Variants in PIK3CD observed in about 807,000 individuals in gnomAD.
PIK3CD encodes the protein phosphatidylinositol-4,5-bisphosphate 3-kinase catalytic subunit delta.
A neutral mutation model predicts 122.9 loss-of-function variants in PIK3CD; 20 were observed. That is an observed-to-expected ratio of 0.16 (90% CI 0.11 to 0.24). The LOEUF is 0.24. Among genes scored for constraint, PIK3CD ranks in the 10% least tolerant of loss-of-function variants. The pLI, the probability that PIK3CD is intolerant of heterozygous loss-of-function variation, is 1.00. For synonymous variants in PIK3CD, 596 were observed against 593.4 expected, an observed-to-expected ratio of 1.00 and a Z score of -0.06; for missense variants, 787 against 1,406.3, an observed-to-expected ratio of 0.56 and a Z score of 7.04.
chr1:9,710,656 C>CAGATAG lies in PIK3CD; in HGVS notation c.141+61_141+62insGATAGA. Reference sequence around the variant, plus strand: ...TCAGAGAGAGAGAGAGAGAGAGAGACACAGATAGACAGACAGACAGACAGA... The same window carrying CAGATAG: ...TCAGAGAGAGAGAGAGAGAGAGAGACAGATAGACAGATAGACAGACAGACAGACAGA... On this transcript the variant is annotated intron_variant, in intron 3 of 23. Coordinates refer to ENST00000377346, the MANE Select transcript of PIK3CD (RefSeq NM_005026.5). The surrounding 1 kb of genome is among the most constrained non-coding windows in gnomAD (Gnocchi z 4.7). 1 of 1,335,484 alleles carries CAGATAG rather than the reference C, an allele frequency of 7.5e-7. No homozygotes were observed. Among genetic ancestry groups the CAGATAG allele is most frequent in the Non-Finnish European group, 1.1e-6 (1 of 943,660 alleles). The allele number at this position is 1,335,484 out of a possible 1,614,324, so 82.7% of individuals were successfully genotyped here. A position where few individuals can be genotyped will look rare whatever the true frequency, so the allele number is the denominator to read the frequency against.
At chr1:9,688,952 C>G (rs888624118) in intron 1 of PIK3CD, among the ~76,000 whole-genome samples, 1 of 152,130 alleles carries the variant, frequency 6.6e-6, no homozygotes, top group African/African-American at 2.4e-5. Context: ...GTGCTAGGTA[C>G]ACTCATTTAT....
chr1:9,628,677 G>T, the PIK3CD span, among the ~76,000 whole-genome samples: 2 of 152,166 alleles, frequency 1.3e-5, no homozygotes, highest in African/African-American at 2.4e-5. Context: ...GCCCAGAGTT[G>T]GTGGCCCTGG....
At chr1:9,709,664 ACTG>A in intron 2 of PIK3CD, among the ~76,000 whole-genome samples, 1 of 152,052 alleles carries the variant, frequency 6.6e-6, no homozygotes, top group Non-Finnish European at 1.5e-5. Context: ...TGATGGCACC[ACTG>A]TACTCCAGCT....
At chr1:9,713,787 T>A (rs553797010) in intron 3 of PIK3CD, among the ~76,000 whole-genome samples, 1 of 151,354 alleles carries the variant, frequency 6.6e-6, no homozygotes, top group East Asian at 1.9e-4. Flanking sequence ...TATTATTATT[T>A]TTGTAACGGT....
At chr1:9,706,822 T>C (rs1027226872) in intron 2 of PIK3CD, among the ~76,000 whole-genome samples, 2 of 151,412 alleles carry the variant, frequency 1.3e-5, no homozygotes, top group Non-Finnish European at 2.9e-5. Context: ...TTTACTTTTT[T>C]CTTTTTTTTT....
intron 1 of PIK3CD, among the ~76,000 whole-genome samples, chr1:9,680,227 C>T (rs766354213): frequency 6.8e-6 from 1 of 147,592 alleles, no homozygotes; most frequent in African/African-American, 2.7e-5. Flanking sequence ...CCTCCCACCT[C>T]GGCCTCCCAA....
intron 1 of PIK3CD, chr1:9,660,938 C>CTTT (rs1162048316): frequency 7.0e-6 from 1 of 142,616 alleles, no homozygotes; most frequent in Non-Finnish European, 1.5e-5. Flanking sequence ...TTTTTTCTTT[C>CTTT]TTTTTTTTTT....
chr1:9,654,543 T>C (rs1031152417), intron 1 of PIK3CD: 2 of 596,234 alleles, frequency 3.4e-6, no homozygotes, highest in Non-Finnish European at 5.4e-6. Context: ...GGAGTGGGGA[T>C]GGTGAGAGTC....
intron 2 of PIK3CD, among the ~76,000 whole-genome samples, chr1:9,692,449 G>A (rs894853818): frequency 2.6e-5 from 4 of 152,098 alleles, no homozygotes; most frequent in African/African-American, 9.7e-5. Flanking sequence ...AATATAGGCC[G>A]GGTGCCGTGG....
chr1:9,645,386 T>A, the PIK3CD span, among the ~76,000 whole-genome samples: 1 of 152,052 alleles, frequency 6.6e-6, no homozygotes, highest in Non-Finnish European at 1.5e-5. Flanking sequence ...GATAAGTCCC[T>A]AGGGTCACGG....
chr1:9,672,680 C>G (rs539881394), intron 1 of PIK3CD: 33 of 152,280 alleles, frequency 2.2e-4, no homozygotes, highest in African/African-American at 7.7e-4. Flanking sequence ...CCCACTTCGG[C>G]CTCCCAAAGT....
At chr1:9,703,453 A>C (rs914226538) in intron 2 of PIK3CD, among the ~76,000 whole-genome samples, 3 of 152,072 alleles carry the variant, frequency 2.0e-5, no homozygotes, top group Admixed American at 6.5e-5. Flanking sequence ...TTAAAAAAAA[A>C]ACCAACAAAA....
chr1:9,666,253 T>C (rs1188819241), intron 1 of PIK3CD, among the ~76,000 whole-genome samples: 2 of 135,002 alleles, frequency 1.5e-5, no homozygotes, highest in Non-Finnish European at 3.2e-5. Flanking sequence ...TTTTTTTTTT[T>C]TTTTTGAGGT....
At chr1:9,716,215 G>C in intron 5 of PIK3CD, 137 bp downstream of exon 5, 1 of 890,528 alleles carries the variant, frequency 1.1e-6, no homozygotes, top group Non-Finnish European at 1.8e-6. Context: ...CTGTGCATGT[G>C]TGGGGCTCAA....
At chr1:9,672,716 GT>G (rs1386009337) in intron 1 of PIK3CD, 4 of 152,164 alleles carry the variant, frequency 2.6e-5, no homozygotes, top group Non-Finnish European at 5.9e-5. Context: ...GTGAGCCACC[GT>G]GCCTGGTGGA....
At chr1:9,640,067 C>G in the PIK3CD span, among the ~76,000 whole-genome samples, 1 of 151,708 alleles carries the variant, frequency 6.6e-6, no homozygotes, top group East Asian at 1.9e-4. Context: ...TTTCATTGCT[C>G]AAGTTGTTCT....
rs764261934 is a variant in PIK3CD, at chr1:9,720,218, C to T, written c.1446C>T (p.Pro482=). 9 of 1,609,532 alleles carry T rather than the reference C, an allele frequency of 5.6e-6. No individual in the cohort carries two copies. The highest frequency in any genetic ancestry group is 5.0e-5 in the Admixed American group (3 of 59,920). Residue 482 remains proline, a synonymous_variant, in exon 11 of 24, where the codon CCC becomes CCT. Coordinates refer to ENST00000377346, the MANE Select transcript of PIK3CD (RefSeq NM_005026.5). The surrounding 1 kb of genome is among the most constrained non-coding windows in gnomAD (Gnocchi z 9.0). ...LICLPEVAPH[P]VYYPALEKIL... is the part of the protein sequence containing the mutation. Reference sequence around the variant, plus strand: ...GCCTGCCCGAGGTGGCCCCGCACCCCGTGTACTACCCCGCCCTGGAGAAGG... The same window carrying T: ...GCCTGCCCGAGGTGGCCCCGCACCCTGTGTACTACCCCGCCCTGGAGAAGG...
At chr1:9,648,539 C>G (rs897792373), upstream of PIK3CD, among the ~76,000 whole-genome samples, 1 of 152,248 alleles carries the variant, frequency 6.6e-6, no homozygotes, top group Admixed American at 6.5e-5. Flanking sequence ...AGGCTGCTCA[C>G]TCGGCCGTCA....
chr1:9,708,973 T>TTTG (rs1646947629), intron 2 of PIK3CD, among the ~76,000 whole-genome samples: 1 of 152,072 alleles, frequency 6.6e-6, no homozygotes, highest in Admixed American at 6.6e-5. Context: ...GTCCTTTGTG[T>TTTG]TTGTAACATT....
Sources: allele counts gnomAD v4.1 joint callset (sites outside exome capture counted in the v4.1 genomes callset), GRCh38; gene constraint gnomAD v4.1.1; non-coding constraint Gnocchi (gnomAD v3.1); transcripts MANE v1.5; gene names NCBI Gene and HGNC (gene_info 2026-07-23, HGNC 2026-07-21).